HDC: variants seen among roughly 807,000 people sequenced by gnomAD.
HDC encodes the protein histidine decarboxylase.
HDC carries 27 observed loss-of-function variants against 64.4 expected under a neutral mutation model. The ratio of observed to expected loss-of-function variants is 0.42; its 90% CI spans 0.31 to 0.58. The LOEUF is 0.58. HDC is among the 20% of genes least tolerant of loss of function. HDC has a pLI of 0.16. For synonymous variants in HDC, 305 were observed against 314.2 expected, an observed-to-expected ratio of 0.97 and a Z score of 0.31; for missense variants, 711 against 833.9, an observed-to-expected ratio of 0.85 and a Z score of 1.81.
chr15:50,265,508 A>G (rs1595714014), intron 1 of HDC, 85 bp downstream of exon 1: 2 of 1,213,130 alleles, frequency 1.6e-6, no homozygotes, highest in African/African-American at 3.0e-5. Context: ...ATCAAATGTC[A>G]CCCCAGAATC....
chr15:50,242,305 T>C lies in HDC; in HGVS notation c.1944A>G (p.Gln648=), dbSNP rs773660568. 9 of 1,614,020 alleles carry C rather than the reference T, an allele frequency of 5.6e-6. No homozygotes were observed. The highest frequency in any genetic ancestry group is 5.0e-5 in the Admixed American group (3 of 60,000). The part of the protein sequence containing the change: ...SVPSFPECSS[Q]CGLQLPCCPL... Reference sequence around the variant, plus strand: ...GGCAACAGGGCAGCTGGAGTCCACATTGAGAGCTGCATTCAGGAAAGCTGG... The same window carrying C: ...GGCAACAGGGCAGCTGGAGTCCACACTGAGAGCTGCATTCAGGAAAGCTGG... The change falls in exon 12 of 12, where the codon CAA becomes CAG. Residue 648 remains glutamine (Q), a synonymous_variant. Transcript: ENST00000267845.
At chr15:50,250,594 C>G (rs2045541562) in intron 9 of HDC, among the ~76,000 whole-genome samples, 1 of 152,090 alleles carries the variant, frequency 6.6e-6, no homozygotes, top group African/African-American at 2.4e-5. Context: ...ACATGAAATT[C>G]AAAAGGGCAA....
At chr15:50,265,533 C>T in intron 1 of HDC, 60 bp downstream of exon 1, 6 of 1,519,772 alleles carry the variant, frequency 3.9e-6, no homozygotes, top group Non-Finnish European at 5.5e-6. Context: ...GGCCACCCAC[C>T]AGCAGCCGTT....
At chr15:50,259,401 C>T (rs2045674014) in intron 2 of HDC, among the ~76,000 whole-genome samples, 1 of 152,138 alleles carries the variant, frequency 6.6e-6, no homozygotes, top group Non-Finnish European at 1.5e-5. Flanking sequence ...GGAGGCCGAC[C>T]TCCAGGCTAA....
chr15:50,242,087 CTTCGT>C lies in HDC; in HGVS notation c.*168_*172del. ...CATCTGGATCATGCTGGCTTAAACT[CTTCGT>C]TTGTATCCTATTGTGGGTCATGAAC... On this transcript the variant is annotated 3_prime_UTR_variant, in exon 12 of 12. Transcript: ENST00000267845. 1 of 672,018 alleles carries C rather than the reference CTTCGT, an allele frequency of 1.5e-6. No individual in the cohort carries two copies. Among genetic ancestry groups the C allele is most frequent in the Non-Finnish European group, 2.6e-6 (1 of 382,176 alleles). 41.6% of individuals were successfully genotyped at this position (672,018 alleles called of 1,614,324 possible).
chr15:50,253,864 A>G, intron 6 of HDC, 198 bp from the exon 7 acceptor site: 1 of 644,352 alleles, frequency 1.6e-6, no homozygotes. Context: ...TGTGTATTTG[A>G]AAAAAAAGTT....
Position 50,242,977 on chromosome 15 carries a change from T to G in HDC, c.1272A>C (p.Leu424Phe). ...KGPNCLTENV[L>F]KEIAKAGRLF... Reference sequence around the variant, plus strand: ...GACGGCCAGCTTTAGCTATTTCCTTTAACACATTTTCTGTGAGACAATTAG... The same window carrying G: ...GACGGCCAGCTTTAGCTATTTCCTTGAACACATTTTCTGTGAGACAATTAG... The change falls in exon 12 of 12, where the codon TTA (leucine) becomes TTC (phenylalanine). Residue 424 changes from leucine to phenylalanine, a missense_variant. Leu to Phe is a conservative substitution (Grantham distance 22, BLOSUM62 0). Coordinates refer to ENST00000267845, the MANE Select transcript of HDC (RefSeq NM_002112.4). 1 of 1,614,080 alleles carries G rather than the reference T, an allele frequency of 6.2e-7. No individual in the cohort carries two copies.
intron 2 of HDC, among the ~76,000 whole-genome samples, chr15:50,260,611 C>G (rs1015579882): frequency 6.6e-6 from 1 of 152,208 alleles, no homozygotes; most frequent in African/African-American, 2.4e-5. Flanking sequence ...GAGTCATGAT[C>G]GGTAATAACC....
At chr15:50,263,191 G>A in intron 2 of HDC, 44 bp downstream of exon 2, 1 of 1,603,018 alleles carries the variant, frequency 6.2e-7, no homozygotes, top group South Asian at 1.1e-5. Flanking sequence ...CCACCCTTCT[G>A]TGCCCTGAAA....
chr15:50,251,999 C>CCT (rs2045562672), intron 9 of HDC, among the ~76,000 whole-genome samples: 1 of 151,912 alleles, frequency 6.6e-6, no homozygotes, highest in African/African-American at 2.4e-5. Context: ...CCCCACAGCG[C>CCT]CTCTGTCAGG....
intron 10 of HDC, among the ~76,000 whole-genome samples, chr15:50,246,320 A>G (rs1316864598): frequency 6.6e-6 from 1 of 152,254 alleles, no homozygotes; most frequent in African/African-American, 2.4e-5. Context: ...AAACAACTTT[A>G]TTTTAATTCC....
rs1360445389 is a variant in HDC at position 50,253,616 on chromosome 15, T to C, written c.771A>G (p.Ser257=). 12 of 1,613,828 alleles carry C rather than the reference T, an allele frequency of 7.4e-6. No homozygotes were observed. The highest frequency in any genetic ancestry group is 1.3e-5 in the African/African-American group (1 of 74,932). The change falls in exon 7 of 12, where the codon TCA becomes TCG. Residue 257 remains serine, a synonymous_variant. Coordinates refer to ENST00000267845, the MANE Select transcript of HDC (RefSeq NM_002112.4). ...TTGVCAFDCL[S]ELGPICAREG... ...GATACTTACAGATGGGGCCCAGCTC[T>C]GACAGGCAGTCAAATGCACAGACCC...
rs753303943 is a variant in HDC, at chr15:50,242,902, A to T, written c.1347T>A (p.Thr449=). The part of the protein sequence containing the change: ...TIQDKLIIRF[T]VTSQFTTRDD... ...CCCTAGTGGTAAACTGGGATGTCAC[A>T]GTGAAACGGATGATTAACTTGTCCT... The change falls in exon 12 of 12, where the codon ACT becomes ACA. Residue 449 remains threonine (T), a synonymous_variant. Transcript: ENST00000267845. 9.9e-6 allele frequency: 16 copies of T among 1,614,078 alleles called. No homozygotes were observed. The African/African-American group carries it at 1.9e-4, about 19-fold the overall frequency.
In HDC at chr15:50,242,766, T is replaced by C. The variant is rs748593895; in HGVS notation, c.1483A>G (p.Arg495Gly). Residue 495 changes from arginine (R) to glycine (G), a missense_variant, in exon 12 of 12, where the codon AGG becomes GGG. By Grantham distance (125) the Arg-to-Gly change is moderately radical (BLOSUM62 -2). Transcript: ENST00000267845. ...PRVGNLISQI[R>G]GARAWACGTS... is the part of the protein sequence containing the mutation. ...CCACAGGCCCAGGCTCTGGCACCCC[T>C]GATTTGGGAGATGAGGTTCCCAACC... 1 of 1,613,868 alleles carries C rather than the reference T, an allele frequency of 6.2e-7. No individual in the cohort carries two copies. Among genetic ancestry groups the C allele is most frequent in the East Asian group, 2.2e-5 (1 of 44,866 alleles).
At position 50,242,546 on chromosome 15, in the gene HDC, AAGG is replaced by A. The variant is rs755854524; in HGVS notation, c.1700_1702del (p.Ser567del). On this transcript the variant is annotated inframe_deletion, in exon 12 of 12. Coordinates refer to ENST00000267845, the MANE Select transcript of HDC (RefSeq NM_002112.4). ...CTGCACAGACAAGTAACTGAACAGG[AAGG>A]AGGACAGCTTGTGCTTGGTGGCATC... 1.9e-6 allele frequency: 3 copies of A among 1,614,170 alleles called. No homozygotes were observed. Among genetic ancestry groups the A allele is most frequent in the Non-Finnish European group, 2.5e-6 (3 of 1,180,040 alleles).
At chr15:50,265,058 C>T (rs914637741) in intron 1 of HDC, among the ~76,000 whole-genome samples, 21 of 152,200 alleles carry the variant, frequency 1.4e-4, no homozygotes, top group African/African-American at 4.6e-4. Context: ...CAACTACCTA[C>T]TTTCCTGCTA....
At chr15:50,258,906 A>T (rs854154) in intron 2 of HDC, among the ~76,000 whole-genome samples, 54,065 of 151,822 alleles carry the variant, frequency 0.36, 10,523 homozygotes, top group East Asian at 0.47. Flanking sequence ...CATGCCTATA[A>T]TCCCAGCACT....
At chr15:50,265,311 C>G (rs933517307) in intron 1 of HDC, among the ~76,000 whole-genome samples, 2 of 151,834 alleles carry the variant, frequency 1.3e-5, no homozygotes, top group Non-Finnish European at 2.9e-5. Flanking sequence ...GGATCCAAAT[C>G]CTCAATTTTG....
intron 6 of HDC, 158 bp from the exon 7 acceptor site, chr15:50,253,824 T>G: frequency 1.4e-6 from 1 of 713,236 alleles, no homozygotes; most frequent in Non-Finnish European, 2.5e-6. Context: ...AAGAAACACA[T>G]TTTATATAAC....
Sources: gnomAD v4.1 joint callset for allele counts (sites outside exome capture counted in the v4.1 genomes callset) on GRCh38, gnomAD v4.1.1 for gene constraint, MANE v1.5 for transcripts, NCBI Gene and HGNC (gene_info 2026-07-23, HGNC 2026-07-21) for gene names.